Variants in AMOTL1 observed in about 807,000 individuals in gnomAD.
AMOTL1 encodes angiomotin like 1.
AMOTL1 carries 45 observed loss-of-function variants against 102.9 expected under a neutral mutation model. The observed-to-expected ratio is 0.44, with a 90% CI of 0.34 to 0.56. The LOEUF (loss-of-function observed/expected upper bound fraction) is 0.56. Among genes scored for constraint, AMOTL1 ranks in the 20% least tolerant of loss-of-function variants. The probability of loss-of-function intolerance (pLI) is 0.01; values close to 1 mark genes in which losing one functional copy is unlikely to be tolerated. For missense variants in AMOTL1, 1,114 were observed against 1,225.6 expected, an observed-to-expected ratio of 0.91 and a Z score of 1.36; for synonymous variants, 481 against 484.7, an observed-to-expected ratio of 0.99 and a Z score of 0.10.
chr11:94,780,805 T>G (rs1358435237), intron 1 of AMOTL1, among the ~76,000 whole-genome samples: 4 of 152,352 alleles, frequency 2.6e-5, no homozygotes, highest in South Asian at 4.1e-4. Context: ...AATTAAACCA[T>G]TTGTTTATGT....
intron 4 of AMOTL1, 118 bp from the exon 5 acceptor site, chr11:94,829,932 T>C (rs1303884651): frequency 9.9e-7 from 1 of 1,012,086 alleles, no homozygotes; most frequent in Non-Finnish European, 1.4e-6. Context: ...AAACTTGAGA[T>C]GCAGAAAGAC....
chr11:94,836,409 A>G (rs901285526), intron 6 of AMOTL1, among the ~76,000 whole-genome samples: 3 of 152,170 alleles, frequency 2.0e-5, no homozygotes, highest in Non-Finnish European at 4.4e-5. Flanking sequence ...CTGTAAGGTC[A>G]TGATTTATTT....
intron 2 of AMOTL1, among the ~76,000 whole-genome samples, chr11:94,737,227 G>A (rs1950450816): frequency 6.6e-6 from 1 of 152,216 alleles, no homozygotes; most frequent in African/African-American, 2.4e-5. Flanking sequence ...GCTCTTCATA[G>A]GGGTAAACCT....
intron 2 of AMOTL1, among the ~76,000 whole-genome samples, chr11:94,737,159 A>C (rs1440583467): frequency 6.6e-6 from 1 of 152,226 alleles, no homozygotes; most frequent in Non-Finnish European, 1.5e-5. Flanking sequence ...AGGCAAGTCC[A>C]TTGTGAGAAC....
intron 2 of AMOTL1, among the ~76,000 whole-genome samples, chr11:94,796,592 G>A (rs1277241119): frequency 1.3e-5 from 2 of 152,210 alleles, no homozygotes; most frequent in Non-Finnish European, 2.9e-5. Flanking sequence ...CCGTAGAGTG[G>A]CTGAGGGCAC....
chr11:94,741,144 A>G (rs1259954955), intron 3 of AMOTL1, among the ~76,000 whole-genome samples: 7 of 151,682 alleles, frequency 4.6e-5, no homozygotes, highest in Non-Finnish European at 1.0e-4. Context: ...CGCGGCCGGA[A>G]CCGGCCTTTC....
intron 3 of AMOTL1, among the ~76,000 whole-genome samples, chr11:94,802,668 AACAG>A (rs1280067206): frequency 6.6e-6 from 1 of 152,230 alleles, no homozygotes; most frequent in Non-Finnish European, 1.5e-5. Context: ...CAGGAGACGT[AACAG>A]ACAGGCCATT....
Position 94,734,976 on chromosome 11 carries a change from C to T in AMOTL1, c.85+5921C>T, listed in dbSNP as rs188368931. 1.1e-4 allele frequency among the ~76,000 whole-genome samples: 16 copies of T among 152,304 alleles called. No homozygotes were observed. The East Asian group carries it at 2.7e-3, about 26-fold the overall frequency. On this transcript the variant is annotated intron_variant, in intron 2 of 4. Coordinates refer to the AMOTL1 transcript ENST00000299004. The stretch of plus-strand genomic sequence containing the variant: ...AAAGAGAATTAATAGCATCATTTGG[C>T]TGGATAAAGTTTCTCCCCATGTGGC...
chr11:94,853,549 C>A (rs1028838785), intron 7 of AMOTL1, among the ~76,000 whole-genome samples: 1 of 152,124 alleles, frequency 6.6e-6, no homozygotes, highest in African/African-American at 2.4e-5. Context: ...ATTTGGGTTG[C>A]TTCCATGTCT....
Position 94,869,218 on chromosome 11 carries a change from C to T in AMOTL1, c.2509C>T (p.His837Tyr), listed in dbSNP as rs1952943596. Reference protein sequence around the residue: ...GSIGLLLGKEHHEHASAPLLP... With the variant: ...GSIGLLLGKEYHEHASAPLLP... ...CTCAGGATTGCTGCTGGGGAAGGAG[C>T]ACCATGAGCATGCCTCTGCCCCACT... is the stretch of plus-strand genomic sequence containing the variant. Residue 837 changes from histidine to tyrosine, a missense_variant, in exon 12 of 13, where the codon CAC becomes TAC. Coordinates refer to ENST00000433060, the MANE Select transcript of AMOTL1 (RefSeq NM_130847.3). 1 of 1,600,540 alleles carries T rather than the reference C, an allele frequency of 6.2e-7. No individual in the cohort carries two copies. Among genetic ancestry groups the T allele is most frequent in the Non-Finnish European group, 8.6e-7 (1 of 1,169,078 alleles).
intron 3 of AMOTL1, among the ~76,000 whole-genome samples, chr11:94,746,989 G>A (rs532432566): frequency 7.4e-4 from 112 of 151,888 alleles, no homozygotes; most frequent in African/African-American, 2.5e-3. Flanking sequence ...CTCTAAGACT[G>A]GCCTTTCTGC....
chr11:94,861,559 C>T, intron 9 of AMOTL1, among the ~76,000 whole-genome samples: 1 of 152,198 alleles, frequency 6.6e-6, no homozygotes, highest in East Asian at 1.9e-4. Context: ...CACCTGCGCT[C>T]AGGGCTTCTC....
chr11:94,822,326 G>C (rs1565368147), intron 4 of AMOTL1, among the ~76,000 whole-genome samples: 1 of 152,166 alleles, frequency 6.6e-6, no homozygotes, highest in Non-Finnish European at 1.5e-5. Flanking sequence ...TGCAGTCCCA[G>C]CTACTCAGGA....
At chr11:94,842,576 G>C (rs1952328583) in intron 6 of AMOTL1, among the ~76,000 whole-genome samples, 1 of 152,154 alleles carries the variant, frequency 6.6e-6, no homozygotes, top group Admixed American at 6.5e-5. Flanking sequence ...TTGCACTTTA[G>C]GCTTTACCTC....
At chr11:94,730,800 A>T (rs1442027030) in intron 2 of AMOTL1, among the ~76,000 whole-genome samples, 1 of 152,116 alleles carries the variant, frequency 6.6e-6, no homozygotes, top group Non-Finnish European at 1.5e-5. Flanking sequence ...CCACCACATC[A>T]CTTCACCTTG....
chr11:94,763,782 G>A (rs1291626430), upstream of AMOTL1, among the ~76,000 whole-genome samples: 4 of 152,136 alleles, frequency 2.6e-5, no homozygotes, highest in Non-Finnish European at 4.4e-5. Context: ...AGGAAGAAGG[G>A]GGTGGGTTGG....
chr11:94,715,940 T>C (rs923684222), intron 1 of AMOTL1, among the ~76,000 whole-genome samples: 3 of 152,148 alleles, frequency 2.0e-5, no homozygotes, highest in Non-Finnish European at 4.4e-5. Context: ...GTTTTTTGAA[T>C]ACTTTTTCAG....
rs574178916 is a variant in AMOTL1 at position 94,871,555 on chromosome 11, A to C, written c.*760A>C. ...TAAGACATAGCAGAATTCCTTAGGT[A>C]TGGGATTTATGAGACCAGTACCTGA... is the stretch of plus-strand genomic sequence containing the variant. On this transcript the variant is annotated 3_prime_UTR_variant, in exon 13 of 13. Coordinates refer to ENST00000433060, the MANE Select transcript of AMOTL1 (RefSeq NM_130847.3). 6.6e-6 allele frequency: 1 copy of C among 151,940 alleles called. No individual in the cohort carries two copies. The highest frequency in any genetic ancestry group is 1.5e-5 in the Non-Finnish European group (1 of 67,994). 9.4% of individuals were successfully genotyped at this position (151,940 alleles called of 1,614,324 possible).
chr11:94,720,389 G>A (rs1300245031), intron 1 of AMOTL1, among the ~76,000 whole-genome samples: 1 of 152,086 alleles, frequency 6.6e-6, no homozygotes, highest in African/African-American at 2.4e-5. Flanking sequence ...GGCTGGTACC[G>A]GAAGGTTCTA....
Sources: allele counts gnomAD v4.1 joint callset (sites outside exome capture counted in the v4.1 genomes callset), GRCh38; gene constraint gnomAD v4.1.1; transcripts MANE v1.5; gene names NCBI Gene and HGNC (gene_info 2026-07-23, HGNC 2026-07-21).